The following ARHGAP31 variants were observed in gnomAD, a reference collection of about 807,000 sequenced individuals.
ARHGAP31 encodes rho GTPase-activating protein 31.
In ARHGAP31, 34 loss-of-function variants were observed where a neutral mutation model predicts 113.9. That is an observed-to-expected ratio of 0.30 (90% confidence interval 0.23 to 0.40). ARHGAP31 has a LOEUF of 0.40. Among genes scored for constraint, ARHGAP31 ranks in the 10% least tolerant of loss-of-function variants. ARHGAP31 has a pLI of 1.00. For synonymous variants in ARHGAP31, 650 were observed against 684.8 expected (o/e 0.95, Z 0.79); for missense variants, 1,548 against 1,767.1 (o/e 0.88, Z 2.22).
Position 119,399,213 on chromosome 3 carries a change from A to G in ARHGAP31, c.1021A>G (p.Ile341Val), listed in dbSNP as rs1577029224. 6.2e-7 allele frequency: 1 copy of G among 1,613,718 alleles called. No individual in the cohort carries two copies. Among genetic ancestry groups the G allele is most frequent in the Non-Finnish European group, 8.5e-7 (1 of 1,179,588 alleles). Residue 341 changes from isoleucine (I) to valine (V), a missense_variant, in exon 9 of 12, where the codon ATC becomes GTC. Coordinates refer to ENST00000264245, the MANE Select transcript of ARHGAP31 (RefSeq NM_020754.4). ...TTTGTCTTTAGTGGAAAAGGCTACT[A>G]TCCGACCAGCTAAAAGCATGGACTC... ...GQRLSVEKAT[I>V]RPAKSMDSLC... is the part of the protein sequence containing the mutation.
At position 119,402,382 on chromosome 3, in the gene ARHGAP31, G is replaced by T; in HGVS notation, c.1630G>T (p.Ala544Ser). 6.2e-7 allele frequency: 1 copy of T among 1,613,356 alleles called. No homozygotes were observed. The highest frequency in any genetic ancestry group is 8.5e-7 in the Non-Finnish European group (1 of 1,179,980). ...GCCAGAAGAAGAGAAACCGCTGGGA[G>T]CTGAGACTTCTGCAGGTAAGTAGAG... ...GWPEEEKPLG[A>S]ETSAASVPKK... The change falls in exon 10 of 12, where the codon GCT becomes TCT. Residue 544 changes from alanine (A) to serine (S), a missense_variant. Physicochemically the swap from Ala to Ser is moderately conservative, Grantham distance 99. Coordinates refer to ENST00000264245, the MANE Select transcript of ARHGAP31 (RefSeq NM_020754.4).
intron 1 of ARHGAP31, among the ~76,000 whole-genome samples, chr3:119,351,487 A>G (rs1233126025): frequency 6.6e-6 from 1 of 152,204 alleles, no homozygotes; most frequent in East Asian, 1.9e-4. Flanking sequence ...CAAGTTGTCT[A>G]ACCATACAGA....
chr3:119,414,003 C>T lies in ARHGAP31; in HGVS notation c.2074C>T (p.Pro692Ser). 1 of 1,614,126 alleles carries T rather than the reference C, an allele frequency of 6.2e-7. No homozygotes were observed. The highest frequency in any genetic ancestry group is 8.5e-7 in the Non-Finnish European group (1 of 1,180,018). ...GCCTATTCTCGAGTCGAGTCTGGGG[C>T]CCTTTATTCCCTCAGAGCCTCCTGG... ...IQPILESSLG[P>S]FIPSEPPGSL... Residue 692 changes from proline (P) to serine (S), a missense_variant, in exon 12 of 12, where the codon CCC becomes TCC. Transcript: ENST00000264245.
rs10575145 is a variant in ARHGAP31 at position 119,297,909 on chromosome 3, A to AACACACACACACAC, written c.100+2928_100+2941dup. ...GAGAAACAGAAACCCTTTCCTTAGA[A>AACACACACACACAC]ACACACACACACACACACACACACA... On this transcript the variant is annotated intron_variant, in intron 1 of 11. Coordinates refer to ENST00000264245, the MANE Select transcript of ARHGAP31 (RefSeq NM_020754.4). Among the ~76,000 whole-genome samples the AACACACACACACAC allele has an allele frequency of 5.0e-3, 709 of 142,754 alleles. 5 individuals carry two copies. Among genetic ancestry groups the AACACACACACACAC allele is most frequent in the African/African-American group, 0.017 (654 of 38,342 alleles). 93.7% of individuals were successfully genotyped at this position (142,754 alleles called of 152,430 possible).
chr3:119,397,937 T>C (rs2080566571), intron 8 of ARHGAP31, among the ~76,000 whole-genome samples: 1 of 152,218 alleles, frequency 6.6e-6, no homozygotes, highest in African/African-American at 2.4e-5. Context: ...AATTACCTTA[T>C]AGCCATTACC....
At position 119,294,948 on chromosome 3, in the gene ARHGAP31, C is replaced by T. The variant is rs1198680795; in HGVS notation, c.44C>T (p.Ala15Val). 8.1e-6 allele frequency: 13 copies of T among 1,613,976 alleles called. No homozygotes were observed. Among genetic ancestry groups the T allele is most frequent in the African/African-American group, 4.0e-5 (3 of 74,906 alleles). Residue 15 changes from alanine (A) to valine (V), a missense_variant, in exon 1 of 12, where the codon GCC becomes GTC. Physicochemically the swap from Ala to Val is moderately conservative, Grantham distance 64 (BLOSUM62 0). Coordinates refer to ENST00000264245, the MANE Select transcript of ARHGAP31 (RefSeq NM_020754.4). ...GAKQKLKRKG[A>V]ASAFGCDLTE... is the part of the protein sequence containing the mutation. The stretch of plus-strand genomic sequence containing the variant: ...AAGCAGAAGCTGAAACGAAAGGGAG[C>T]CGCCAGCGCGTTTGGCTGTGACCTG...
chr3:119,380,774 C>G, intron 3 of ARHGAP31, 130 bp from the exon 4 acceptor site: 1 of 773,228 alleles, frequency 1.3e-6, no homozygotes, highest in South Asian at 1.4e-5. Context: ...GTAAAGCATG[C>G]CTCTTGGAAG....
In ARHGAP31 at chr3:119,390,797, T is replaced by C. The variant is rs763633492; in HGVS notation, c.695T>C (p.Ile232Thr). Residue 232 changes from isoleucine (I) to threonine (T), a missense_variant, in exon 7 of 12, where the codon ATC (isoleucine) becomes ACC (threonine). Physicochemically the swap from Ile to Thr is moderately conservative, Grantham distance 89 (BLOSUM62 -1). Coordinates refer to ENST00000264245, the MANE Select transcript of ARHGAP31 (RefSeq NM_020754.4). ...GSLENDENRP[I>T]MKSLTLPALS... ...ATTGCCTTTACAGAAAACCGGCCCA[T>C]CATGAAGAGCCTGACCTTGCCAGCC... 5.0e-6 allele frequency: 8 copies of C among 1,612,510 alleles called. No homozygotes were observed. The South Asian group carries it at 8.8e-5, about 18-fold the overall frequency.
intron 3 of ARHGAP31, among the ~76,000 whole-genome samples, chr3:119,377,208 CAG>C (rs1392306876): frequency 6.6e-6 from 1 of 151,900 alleles, no homozygotes; most frequent in Non-Finnish European, 1.5e-5. Flanking sequence ...GTGAATGGAA[CAG>C]AGAAAATCTC....
At chr3:119,337,371 G>A (rs1182782479) in intron 1 of ARHGAP31, among the ~76,000 whole-genome samples, 10 of 152,026 alleles carry the variant, frequency 6.6e-5, no homozygotes, top group South Asian at 2.1e-4. Context: ...TCATGCTCTC[G>A]CTGACTTCAG....
Position 119,414,809 on chromosome 3 carries a change from G to T in ARHGAP31, c.2880G>T (p.Thr960=). The change falls in exon 12 of 12, where the codon ACG becomes ACT. Residue 960 remains threonine, a synonymous_variant. Coordinates refer to ENST00000264245, the MANE Select transcript of ARHGAP31 (RefSeq NM_020754.4). The part of the protein sequence containing the change: ...RQSHSLDSKP[T]VKSQWTLEVP... ...GCCATTCTCTAGATAGCAAACCCAC[G>T]GTTAAAAGCCAGTGGACTCTCGAGG... 1 of 1,614,196 alleles carries T rather than the reference G, an allele frequency of 6.2e-7. No individual in the cohort carries two copies. The highest frequency in any genetic ancestry group is 8.5e-7 in the Non-Finnish European group (1 of 1,180,028).
chr3:119,359,178 C>T (rs555616884), intron 1 of ARHGAP31, among the ~76,000 whole-genome samples: 15 of 151,776 alleles, frequency 9.9e-5, no homozygotes, highest in African/African-American at 1.5e-4. Context: ...CCACCATGCC[C>T]GGCTAGTTTT....
chr3:119,392,853 G>C (rs1422376914), intron 7 of ARHGAP31, among the ~76,000 whole-genome samples: 1 of 152,212 alleles, frequency 6.6e-6, no homozygotes, highest in Non-Finnish European at 1.5e-5. Context: ...GTCTTCACCA[G>C]CCCTCTCTTT....
chr3:119,407,512 G>A (rs558947354), intron 10 of ARHGAP31, among the ~76,000 whole-genome samples: 3 of 152,286 alleles, frequency 2.0e-5, no homozygotes, highest in South Asian at 4.1e-4. Flanking sequence ...GTGTACTAAG[G>A]ATGGGAAACA....
intron 1 of ARHGAP31, among the ~76,000 whole-genome samples, chr3:119,337,940 T>G (rs2079973473): frequency 6.6e-6 from 1 of 152,206 alleles, no homozygotes; most frequent in African/African-American, 2.4e-5. Context: ...TATGAACATT[T>G]GGGTACAAGT....
At position 119,294,809 on chromosome 3, in the gene ARHGAP31, C is replaced by T. The variant is rs1337226923; in HGVS notation, c.-96C>T. On this transcript the variant is annotated 5_prime_UTR_variant, in exon 1 of 12. Transcript: ENST00000264245. ...CTTCCGATGCGGCCCCCCAGAGCCG[C>T]GGGGCAGCCGGTGATCTAGCCCGGG... The T allele has an allele frequency of 1.9e-5, 23 of 1,181,344 alleles. No homozygotes were observed. In the Admixed American group the frequency reaches 3.8e-4, roughly 20 times the overall value. 73.2% of individuals were successfully genotyped at this position (1,181,344 alleles called of 1,614,324 possible). A position where few individuals can be genotyped will look rare whatever the true frequency, so the allele number is the denominator to read the frequency against.
chr3:119,339,572 A>T lies in ARHGAP31; in HGVS notation c.101-25744A>T, dbSNP rs72962559. On this transcript the variant is annotated intron_variant, in intron 1 of 11. Transcript: ENST00000264245. ...AGAACACATAGATCAAAGTAACAGA[A>T]TAGAGAATCCATTAACTCCCTCCGA... is the stretch of plus-strand genomic sequence containing the variant. Among the ~76,000 whole-genome samples, 630 of 152,312 alleles carry T rather than the reference A, an allele frequency of 4.1e-3. 4 individuals are homozygous for T. Among genetic ancestry groups the T allele is most frequent in the African/African-American group, 0.015 (609 of 41,550 alleles).
chr3:119,361,562 A>C (rs2080206986), intron 1 of ARHGAP31, among the ~76,000 whole-genome samples: 1 of 152,062 alleles, frequency 6.6e-6, no homozygotes, highest in Non-Finnish European at 1.5e-5. Context: ...TTGCATTTTT[A>C]GTAGAGATGG....
chr3:119,331,598 A>G (rs562355947), intron 1 of ARHGAP31, among the ~76,000 whole-genome samples: 1 of 152,208 alleles, frequency 6.6e-6, no homozygotes, highest in Non-Finnish European at 1.5e-5. Flanking sequence ...CATCAAAAAC[A>G]TTCTGAATCT....
Sources: gnomAD v4.1 joint callset for allele counts (sites outside exome capture counted in the v4.1 genomes callset) on GRCh38, gnomAD v4.1.1 for gene constraint, MANE v1.5 for transcripts, NCBI Gene and HGNC (gene_info 2026-07-23, HGNC 2026-07-21) for gene names.